Variants in DPY19L1 observed in about 807,000 individuals in gnomAD.
DPY19L1 encodes dpy-19 like C-mannosyltransferase 1, also known as protein C-mannosyl-transferase DPY19L1.
Under a neutral mutation model 96.9 loss-of-function variants are expected in DPY19L1, and 35 were observed. The observed-to-expected ratio is 0.36, with a 90% CI of 0.28 to 0.48. The LOEUF is 0.48. DPY19L1 is among the 20% of genes least tolerant of loss of function. DPY19L1 has a pLI of 0.99. For missense variants in DPY19L1, 521 were observed against 777.9 expected (o/e 0.67, Z 3.93); for synonymous variants, 205 against 252.6 (o/e 0.81, Z 1.79).
chr7:34,981,247 A>G (rs1784932893), intron 7 of DPY19L1, among the ~76,000 whole-genome samples: 1 of 152,202 alleles, frequency 6.6e-6, no homozygotes. Flanking sequence ...TGGATTATAA[A>G]ACATTGAATT....
At chr7:34,996,360 G>A (rs939549883) in intron 6 of DPY19L1, among the ~76,000 whole-genome samples, 3 of 152,078 alleles carry the variant, frequency 2.0e-5, no homozygotes, top group Non-Finnish European at 2.9e-5. Flanking sequence ...CAACTCCTAC[G>A]CAGACCTCTC....
intron 12 of DPY19L1, 118 bp downstream of exon 12, chr7:34,955,190 C>T: frequency 7.9e-7 from 1 of 1,258,650 alleles, no homozygotes; most frequent in South Asian, 1.4e-5. Flanking sequence ...CCCTAAAATA[C>T]TATAAAACTG....
At chr7:34,944,870 T>C (rs553733118) in intron 16 of DPY19L1, among the ~76,000 whole-genome samples, 2 of 152,312 alleles carry the variant, frequency 1.3e-5, no homozygotes, top group African/African-American at 4.8e-5. Context: ...TTCCCTCCCA[T>C]CTACTACCTC....
intron 10 of DPY19L1, among the ~76,000 whole-genome samples, chr7:34,965,192 TA>T (rs1358171426): frequency 3.9e-5 from 6 of 152,126 alleles, no homozygotes; most frequent in Non-Finnish European, 8.8e-5. Context: ...GTGAAGAATG[TA>T]CAGCATTATT....
intron 14 of DPY19L1, 97 bp downstream of exon 14, chr7:34,949,700 A>C (rs1018773486): frequency 1.3e-6 from 1 of 751,844 alleles, no homozygotes; most frequent in Non-Finnish European, 2.2e-6. Flanking sequence ...TCAAACTGAG[A>C]TAACAGCACA....
chr7:35,025,162 G>A (rs1248766869), intron 1 of DPY19L1, among the ~76,000 whole-genome samples: 2 of 152,116 alleles, frequency 1.3e-5, no homozygotes, highest in African/African-American at 4.8e-5. Context: ...GCTTGAGAAA[G>A]AGAAAGCAGT....
chr7:34,950,226 G>A (rs572597684), intron 13 of DPY19L1, among the ~76,000 whole-genome samples: 1 of 152,144 alleles, frequency 6.6e-6, no homozygotes, highest in African/African-American at 2.4e-5. Flanking sequence ...CAGCAGCTCT[G>A]GGCTTGGGAA....
intron 8 of DPY19L1, among the ~76,000 whole-genome samples, chr7:34,970,062 C>A (rs956742243): frequency 6.6e-6 from 1 of 152,128 alleles, no homozygotes; most frequent in Non-Finnish European, 1.5e-5. Flanking sequence ...CTGAAGCAAC[C>A]TTTAGAGATC....
Position 34,939,387 on chromosome 7 carries a change from GAGGAATGTCTC to G in DPY19L1, c.1865-23_1865-13del. 6.2e-7 allele frequency: 1 copy of G among 1,612,990 alleles called. No individual in the cohort carries two copies. The highest frequency in any genetic ancestry group is 1.3e-5 in the African/African-American group (1 of 75,016). ...CGCAAACACTGCATCTGGAAGGCAA[GAGGAATGTCTC>G]AGGAAGACACTCAGTGAAGGCGAGA... On this transcript the variant is annotated splice_polypyrimidine_tract_variant and intron_variant, in intron 19 of 21. Coordinates refer to ENST00000638088, the MANE Select transcript of DPY19L1 (RefSeq NM_001366673.1).
chr7:34,991,862 G>A (rs931230932), intron 6 of DPY19L1, among the ~76,000 whole-genome samples: 3 of 152,122 alleles, frequency 2.0e-5, no homozygotes, highest in African/African-American at 7.2e-5. Flanking sequence ...ATCAATGTAT[G>A]TAAACTTAAA....
chr7:34,964,349 C>T (rs1261170543), intron 10 of DPY19L1, among the ~76,000 whole-genome samples: 1 of 152,002 alleles, frequency 6.6e-6, no homozygotes, highest in East Asian at 1.9e-4. Context: ...CCTATGTGAC[C>T]AGCCAACTCT....
At chr7:34,955,281 T>TTA (rs1304331177) in intron 12 of DPY19L1, 27 bp downstream of exon 12, 1 of 1,551,938 alleles carries the variant, frequency 6.4e-7, no homozygotes, top group African/African-American at 1.4e-5. Context: ...AGAAAAAACA[T>TTA]AAGCATTAAA....
At chr7:34,941,132 C>T (rs185470279) in intron 18 of DPY19L1, among the ~76,000 whole-genome samples, 2 of 152,274 alleles carry the variant, frequency 1.3e-5, no homozygotes, top group Admixed American at 1.3e-4. Flanking sequence ...CTCTCTCCTC[C>T]ATCCCTAGAG....
Position 35,016,766 on chromosome 7 carries a change from C to A in DPY19L1, c.411+1116G>T, listed in dbSNP as rs1584257617. On this transcript the variant is annotated intron_variant, in intron 3 of 21. Transcript: ENST00000638088. ...ATTCCTGCCAGAAAATAAGTCAAAT[C>A]TTCTGATCCATAAATGTTCAGGAAA... Among the ~76,000 whole-genome samples, 14 of 152,320 alleles carry A rather than the reference C, an allele frequency of 9.2e-5. No homozygotes were observed. The South Asian group carries it at 2.9e-3, about 32-fold the overall frequency.
intron 7 of DPY19L1, among the ~76,000 whole-genome samples, chr7:34,987,096 C>T (rs1417218957): frequency 6.6e-6 from 1 of 151,950 alleles, no homozygotes; most frequent in Non-Finnish European, 1.5e-5. Flanking sequence ...TCTTAATACA[C>T]ATTCATGTGC....
intron 6 of DPY19L1, among the ~76,000 whole-genome samples, chr7:35,008,863 C>A (rs1785633203): frequency 6.6e-6 from 1 of 152,128 alleles, no homozygotes; most frequent in South Asian, 2.1e-4. Context: ...TAGACACCAC[C>A]AAGTTTCTCT....
intron 16 of DPY19L1, among the ~76,000 whole-genome samples, chr7:34,945,078 C>T (rs764095981): frequency 5.3e-5 from 8 of 152,062 alleles, no homozygotes; most frequent in African/African-American, 9.7e-5. Context: ...CAAAAATGAT[C>T]GCTCCCTTCA....
intron 1 of DPY19L1, among the ~76,000 whole-genome samples, chr7:35,023,304 A>AT (rs1786039422): frequency 6.6e-6 from 1 of 152,012 alleles, no homozygotes; most frequent in Admixed American, 6.5e-5. Context: ...TAATTTTAAG[A>AT]TTCCCCAGTT....
chr7:34,967,610 T>G lies in DPY19L1; in HGVS notation c.1015-639A>C, dbSNP rs560404599. Reference sequence around the variant, plus strand: ...ACTGGAATTATTTAGATGAATTAATTGATTAAATGATGGTATAGTATCTAT... The same window carrying G: ...ACTGGAATTATTTAGATGAATTAATGGATTAAATGATGGTATAGTATCTAT... On this transcript the variant is annotated intron_variant, in intron 9 of 21. Transcript: ENST00000638088. Among the ~76,000 whole-genome samples the G allele has an allele frequency of 1.1e-4, 17 of 152,336 alleles. No homozygotes were observed. The South Asian group carries it at 3.3e-3, about 30-fold the overall frequency.
Sources: allele counts gnomAD v4.1 joint callset (sites outside exome capture counted in the v4.1 genomes callset), GRCh38; gene constraint gnomAD v4.1.1; transcripts MANE v1.5; gene names NCBI Gene and HGNC (gene_info 2026-07-23, HGNC 2026-07-21).